EYA2: variants seen among roughly 807,000 people sequenced by gnomAD.
The protein encoded by EYA2 is protein phosphatase EYA2.
In EYA2, 31 loss-of-function variants were observed where a neutral mutation model predicts 69.2. That is an observed-to-expected ratio of 0.45 (90% CI 0.34 to 0.60). The LOEUF (loss-of-function observed/expected upper bound fraction) is 0.60, where lower values mean the gene tolerates loss of function less well. Among genes scored for constraint, EYA2 ranks in the 20% least tolerant of loss-of-function variants. The pLI, the probability that EYA2 is intolerant of heterozygous loss-of-function variation, is 0.02. For missense variants in EYA2, 622 were observed against 701.2 expected (o/e 0.89, Z 1.28); for synonymous variants, 257 against 279.4 (o/e 0.92, Z 0.80).
chr20:47,147,345 C>T (rs985234221), intron 10 of EYA2, among the ~76,000 whole-genome samples: 9 of 152,086 alleles, frequency 5.9e-5, no homozygotes, highest in Non-Finnish European at 1.2e-4. Context: ...TGTGAGCCAC[C>T]GCACCCAGGC....
intron 7 of EYA2, among the ~76,000 whole-genome samples, chr20:47,074,542 A>G (rs1279384364): frequency 6.6e-6 from 1 of 152,200 alleles, no homozygotes; most frequent in African/African-American, 2.4e-5. Flanking sequence ...CATCTCTCAG[A>G]CATGTTTTGT....
chr20:47,063,392 C>CGTGTGCGTGTGT (rs1430441053), intron 5 of EYA2, among the ~76,000 whole-genome samples: 65 of 143,490 alleles, frequency 4.5e-4, no homozygotes, highest in Non-Finnish European at 8.3e-4. Flanking sequence ...TGTGCGTGTG[C>CGTGTGCGTGTGT]GTGTGTGTGT....
intron 14 of EYA2, among the ~76,000 whole-genome samples, chr20:47,181,185 A>G (rs2034530965): frequency 6.6e-6 from 1 of 152,224 alleles, no homozygotes; most frequent in South Asian, 2.1e-4. Context: ...AGCTGCTGTA[A>G]CAAACACACC....
intron 3 of EYA2, among the ~76,000 whole-genome samples, chr20:47,002,823 TG>T (rs556725160): frequency 1.5e-3 from 234 of 152,358 alleles, no homozygotes; most frequent in African/African-American, 5.4e-3. Flanking sequence ...CTTCCAGGAC[TG>T]GGGCTGACAT....
At chr20:46,926,579 T>C (rs1985423830) in intron 1 of EYA2, among the ~76,000 whole-genome samples, 2 of 152,200 alleles carry the variant, frequency 1.3e-5, no homozygotes, top group South Asian at 4.1e-4. Context: ...CCATGTACTT[T>C]ACTGAGTCCA....
At chr20:47,099,473 C>T (rs1451581273) in intron 9 of EYA2, among the ~76,000 whole-genome samples, 2 of 152,202 alleles carry the variant, frequency 1.3e-5, no homozygotes, top group African/African-American at 2.4e-5. Flanking sequence ...GCTATGATCG[C>T]ACCACTGCAC....
At position 46,940,051 on chromosome 20, in the gene EYA2, GC is replaced by G. The variant is rs143488506; in HGVS notation, c.-11+45065del. Among the ~76,000 whole-genome samples the G allele has an allele frequency of 9.0e-3, 1,374 of 152,286 alleles. 19 individuals are homozygous for G. The highest frequency in any genetic ancestry group is 0.03 in the African/African-American group (1,262 of 41,550). On this transcript the variant is annotated intron_variant, in intron 1 of 15. Transcript: ENST00000327619. ...AAAACCTACTACGTGCGAGGATCTT[GC>G]AAAGATACACAAGAAATATAATAGG...
intron 11 of EYA2, among the ~76,000 whole-genome samples, chr20:47,171,279 A>G (rs1005131146): frequency 6.6e-6 from 1 of 152,240 alleles, no homozygotes; most frequent in African/African-American, 2.4e-5. Context: ...TCTCAGCCCA[A>G]GGGTGTTTTC....
intron 12 of EYA2, among the ~76,000 whole-genome samples, chr20:47,179,516 G>T (rs183770689): frequency 3.7e-5 from 4 of 106,814 alleles, no homozygotes; most frequent in Non-Finnish European, 8.5e-5. Context: ...ATGGATGGGT[G>T]GATAGGTGGG....
intron 1 of EYA2, among the ~76,000 whole-genome samples, chr20:46,958,130 G>A (rs1440323704): frequency 2.0e-5 from 3 of 152,078 alleles, no homozygotes; most frequent in African/African-American, 4.8e-5. Context: ...TCACACCCTC[G>A]CTTGCAGTGA....
At chr20:47,117,640 GAAATAA>G (rs1373882457) in intron 9 of EYA2, 4 of 985,132 alleles carry the variant, frequency 4.1e-6, no homozygotes, top group Non-Finnish European at 4.8e-6. Context: ...AAACTGAGAA[GAAATAA>G]AAAGAAAAAG....
At chr20:47,170,028 C>G (rs1203198276) in intron 11 of EYA2, among the ~76,000 whole-genome samples, 6 of 151,992 alleles carry the variant, frequency 3.9e-5, no homozygotes, top group African/African-American at 1.5e-4. Flanking sequence ...GCCTCAGCCT[C>G]CTGAGTAGCT....
Position 46,963,732 on chromosome 20 carries a change from G to A in EYA2, c.-10-26269G>A, listed in dbSNP as rs544614820. Among the ~76,000 whole-genome samples, 77 of 152,368 alleles carry A rather than the reference G, an allele frequency of 5.1e-4. 1 individual carries two copies. The highest frequency in any genetic ancestry group is 3.4e-3 in the Middle Eastern group (1 of 294). On this transcript the variant is annotated intron_variant, in intron 1 of 15. Transcript: ENST00000327619. Reference sequence around the variant, plus strand: ...TGCAAAGAACACCTGAAGGTGGGCCGGGGGTGGTGGTGAGGACAGGCAGCT... The same window carrying A: ...TGCAAAGAACACCTGAAGGTGGGCCAGGGGTGGTGGTGAGGACAGGCAGCT...
intron 1 of EYA2, among the ~76,000 whole-genome samples, chr20:46,933,165 A>C (rs961020797): frequency 1.3e-5 from 2 of 152,218 alleles, no homozygotes; most frequent in African/African-American, 4.8e-5. Flanking sequence ...TGGAATACTA[A>C]TGGCTGATTA....
At chr20:46,901,676 G>T (rs1984118455) in intron 1 of EYA2, 1 of 152,272 alleles carries the variant, frequency 6.6e-6, no homozygotes, top group African/African-American at 2.4e-5. Flanking sequence ...AGTTCTGCGT[G>T]TCCTTCTTGG....
At chr20:47,089,901 G>A (rs1419024300) in intron 8 of EYA2, among the ~76,000 whole-genome samples, 2 of 151,974 alleles carry the variant, frequency 1.3e-5, no homozygotes, top group African/African-American at 4.8e-5. Flanking sequence ...CTCACTGGAG[G>A]AACTAGGGGG....
chr20:47,173,048 G>A (rs773316628), intron 12 of EYA2, among the ~76,000 whole-genome samples, 181 bp downstream of exon 12: 1 of 152,124 alleles, frequency 6.6e-6, no homozygotes, highest in Non-Finnish European at 1.5e-5. Context: ...CTTCACTTTG[G>A]GGGTGGGAAA....
At chr20:47,155,637 C>A (rs920215600) in intron 10 of EYA2, among the ~76,000 whole-genome samples, 8 of 151,902 alleles carry the variant, frequency 5.3e-5, no homozygotes, top group Non-Finnish European at 8.8e-5. Flanking sequence ...TGCGCATGAA[C>A]CATCTCACCG....
intron 10 of EYA2, chr20:47,161,453 A>C: frequency 9.0e-6 from 4 of 443,038 alleles, no homozygotes; most frequent in Non-Finnish European, 1.3e-5. Flanking sequence ...CAATGATCTC[A>C]AACTCTTTGA....
Sources: gnomAD v4.1 joint callset for allele counts (sites outside exome capture counted in the v4.1 genomes callset) on GRCh38, gnomAD v4.1.1 for gene constraint, MANE v1.5 for transcripts, NCBI Gene and HGNC (gene_info 2026-07-23, HGNC 2026-07-21) for gene names.